The following PDE11A variants were observed in gnomAD, a reference collection of about 807,000 sequenced individuals.
PDE11A encodes dual 3',5'-cyclic-AMP and -GMP phosphodiesterase 11A.
A neutral mutation model predicts 100.5 loss-of-function variants in PDE11A; 100 were observed. The observed-to-expected ratio is 1.00, with a 90% CI of 0.85 to 1.18. The LOEUF (loss-of-function observed/expected upper bound fraction) is 1.18, where lower values mean the gene tolerates loss of function less well. PDE11A is among the 50% of genes most tolerant of loss of function. The probability of loss-of-function intolerance (pLI) is 0.00; values close to 1 mark genes in which losing one functional copy is unlikely to be tolerated. For synonymous variants in PDE11A, 381 were observed against 420.8 expected (o/e 0.91, Z 1.16); for missense variants, 1,141 against 1,152.6 (o/e 0.99, Z 0.15).
Position 177,709,706 on chromosome 2 carries a change from G to A in PDE11A, c.2153+2063C>T, listed in dbSNP as rs1009739586. On this transcript the variant is annotated intron_variant, in intron 13 of 19. Coordinates refer to ENST00000286063, the MANE Select transcript of PDE11A (RefSeq NM_016953.4). Reference sequence around the variant, plus strand: ...AGAGGGACAGAGGCCTGAAACCAACGGAGATTCAAGGTTGTACAGGTGGAT... The same window carrying A: ...AGAGGGACAGAGGCCTGAAACCAACAGAGATTCAAGGTTGTACAGGTGGAT... Among the ~76,000 whole-genome samples the A allele has an allele frequency of 9.9e-5, 15 of 152,270 alleles. No homozygotes were observed. The South Asian group carries it at 2.5e-3, about 25-fold the overall frequency.
At chr2:177,699,855 A>G (rs1185676780) in intron 14 of PDE11A, among the ~76,000 whole-genome samples, 1 of 152,212 alleles carries the variant, frequency 6.6e-6, no homozygotes, top group Non-Finnish European at 1.5e-5. Flanking sequence ...AAGGACGGCC[A>G]ATGTGTTTTG....
At chr2:177,999,800 T>C (rs985174395) in intron 2 of PDE11A, among the ~76,000 whole-genome samples, 2 of 152,236 alleles carry the variant, frequency 1.3e-5, no homozygotes, top group Non-Finnish European at 2.9e-5. Context: ...GAGTTTGCTA[T>C]TATATTTTAG....
chr2:177,869,816 G>A (rs1428187528), intron 5 of PDE11A, among the ~76,000 whole-genome samples: 1 of 152,142 alleles, frequency 6.6e-6, no homozygotes, highest in Non-Finnish European at 1.5e-5. Flanking sequence ...TGTCATCTAT[G>A]TTCTCAGTGT....
intron 9 of PDE11A, among the ~76,000 whole-genome samples, chr2:177,781,265 C>T (rs938487710): frequency 3.9e-5 from 6 of 152,126 alleles, no homozygotes; most frequent in African/African-American, 9.7e-5. Context: ...TTAAGTTTAC[C>T]GCCTTATATG....
chr2:177,969,537 T>C (rs1364170589), intron 2 of PDE11A, among the ~76,000 whole-genome samples: 1 of 152,214 alleles, frequency 6.6e-6, no homozygotes, highest in Non-Finnish European at 1.5e-5. Flanking sequence ...TAAGCTGTGC[T>C]AATAGAAATC....
intron 9 of PDE11A, among the ~76,000 whole-genome samples, chr2:177,804,797 A>G (rs1230361893): frequency 2.6e-5 from 4 of 152,020 alleles, no homozygotes; most frequent in Admixed American, 6.6e-5. Flanking sequence ...ATGGAACTGG[A>G]GGCCATTGTC....
rs776187473 is a variant in PDE11A, at chr2:178,071,962, C to G, written c.476G>C (p.Arg159Pro). The change falls in exon 1 of 20, where the codon CGG becomes CCG. Residue 159 changes from arginine (R) to proline (P), a missense_variant. Transcript: ENST00000286063. ...GGTGGGGGGCAGGGAGCTTGCCTTC[C>G]GGAGAAGTGCCCTCCGTCGTACACT... ...LSSVRRRALL[R>P]KASSLPPTTA... The G allele has an allele frequency of 1.9e-6, 3 of 1,614,052 alleles. No individual in the cohort carries two copies. Among genetic ancestry groups the G allele is most frequent in the South Asian group, 2.2e-5 (2 of 91,072 alleles).
chr2:177,931,178 C>CA (rs199643082), intron 2 of PDE11A, among the ~76,000 whole-genome samples: 8 of 6,180 alleles, frequency 1.3e-3, no homozygotes, highest in Non-Finnish European at 2.8e-3. Context: ...CAAAACAAAA[C>CA]AAACAAACAA....
At chr2:177,996,570 A>C (rs1201323744) in intron 2 of PDE11A, among the ~76,000 whole-genome samples, 1 of 151,946 alleles carries the variant, frequency 6.6e-6, no homozygotes, top group Non-Finnish European at 1.5e-5. Flanking sequence ...CGTATTCAAA[A>C]GTTTGTATCA....
intron 2 of PDE11A, among the ~76,000 whole-genome samples, chr2:177,933,975 T>C (rs1208890343): frequency 6.6e-6 from 1 of 152,148 alleles, no homozygotes; most frequent in Non-Finnish European, 1.5e-5. Context: ...TATATAAACA[T>C]TAACTCAAGA....
intron 2 of PDE11A, among the ~76,000 whole-genome samples, chr2:177,971,526 A>G (rs886248189): frequency 6.6e-6 from 1 of 152,228 alleles, no homozygotes; most frequent in African/African-American, 2.4e-5. Context: ...TTAGCTGACT[A>G]AACTAATACT....
Position 177,780,179 on chromosome 2 carries a change from T to C in PDE11A, c.1738-10806A>G, listed in dbSNP as rs560050266. 3.3e-5 allele frequency among the ~76,000 whole-genome samples: 5 copies of C among 152,332 alleles called. No individual in the cohort carries two copies. The South Asian group carries it at 8.3e-4, about 25-fold the overall frequency. On this transcript the variant is annotated intron_variant, in intron 9 of 19. Coordinates refer to ENST00000286063, the MANE Select transcript of PDE11A (RefSeq NM_016953.4). ...AAAACATTTAGCAAACCATGCTGTT[T>C]ACTGATGTGTTGTCATCAAGACTTT...
chr2:177,701,552 T>C (rs1428782595), intron 13 of PDE11A, among the ~76,000 whole-genome samples: 1 of 152,016 alleles, frequency 6.6e-6, no homozygotes, highest in African/African-American at 2.4e-5. Flanking sequence ...ACAATGCAAA[T>C]ACTAATCACT....
intron 9 of PDE11A, among the ~76,000 whole-genome samples, chr2:177,777,311 C>T (rs1200387517): frequency 6.6e-6 from 1 of 152,022 alleles, no homozygotes; most frequent in African/African-American, 2.4e-5. Flanking sequence ...ACCTCATTAA[C>T]CTAAGACCTG....
At chr2:177,958,488 A>C (rs1429859635) in intron 2 of PDE11A, among the ~76,000 whole-genome samples, 1 of 152,242 alleles carries the variant, frequency 6.6e-6, no homozygotes, top group Non-Finnish European at 1.5e-5. Flanking sequence ...AATGGAAATA[A>C]GATAAGGCTG....
At chr2:177,731,207 C>T (rs933740959) in intron 10 of PDE11A, among the ~76,000 whole-genome samples, 7 of 152,070 alleles carry the variant, frequency 4.6e-5, no homozygotes, top group African/African-American at 1.4e-4. Flanking sequence ...CTTCATCAGC[C>T]AACTTTCAAG....
At chr2:177,700,816 A>G (rs2081186052) in intron 14 of PDE11A, among the ~76,000 whole-genome samples, 1 of 152,162 alleles carries the variant, frequency 6.6e-6, no homozygotes, top group Non-Finnish European at 1.5e-5. Flanking sequence ...AGTGCTCTGT[A>G]TCCTTTGAGG....
At chr2:178,042,093 T>C (rs1236308614) in intron 1 of PDE11A, among the ~76,000 whole-genome samples, 1 of 152,248 alleles carries the variant, frequency 6.6e-6, no homozygotes, top group Non-Finnish European at 1.5e-5. Flanking sequence ...GGACAATTAG[T>C]AAATGTAATT....
At chr2:177,645,180 T>A (rs2080205398) in intron 19 of PDE11A, among the ~76,000 whole-genome samples, 1 of 152,170 alleles carries the variant, frequency 6.6e-6, no homozygotes, top group Non-Finnish European at 1.5e-5. Flanking sequence ...GGTTTCTTTA[T>A]CTTTTTCTTT....
Sources: gnomAD v4.1 joint callset for allele counts (sites outside exome capture counted in the v4.1 genomes callset) on GRCh38, gnomAD v4.1.1 for gene constraint, MANE v1.5 for transcripts, NCBI Gene and HGNC (gene_info 2026-07-23, HGNC 2026-07-21) for gene names.